The following FGF14 variants were observed in gnomAD, a reference collection of about 807,000 sequenced individuals.
FGF14 encodes fibroblast growth factor homologous factor 4.
Under a neutral mutation model 25.5 loss-of-function variants are expected in FGF14, and 5 were observed. The observed-to-expected ratio is 0.20, with a 90% CI of 0.10 to 0.41. FGF14 has a LOEUF of 0.41. FGF14 is among the 10% of genes least tolerant of loss of function. The probability of loss-of-function intolerance (pLI) is 1.00; values close to 1 mark genes in which losing one functional copy is unlikely to be tolerated. For synonymous variants in FGF14, 138 were observed against 118.3 expected (o/e 1.17, Z -1.08); for missense variants, 222 against 320.1 (o/e 0.69, Z 2.34).
At chr13:102,294,637 T>C (rs2054602931) in intron 1 of FGF14, among the ~76,000 whole-genome samples, 2 of 152,182 alleles carry the variant, frequency 1.3e-5, no homozygotes, top group Non-Finnish European at 2.9e-5. Flanking sequence ...GGGAACTAGA[T>C]TGTCAATTTC....
chr13:102,243,253 G>A (rs2141035935), intron 1 of FGF14, among the ~76,000 whole-genome samples: 1 of 152,172 alleles, frequency 6.6e-6, no homozygotes, highest in East Asian at 1.9e-4. Context: ...TTAAGTGACG[G>A]TCTCTTTGTC....
At chr13:102,145,519 G>C (rs1374342974) in intron 1 of FGF14, among the ~76,000 whole-genome samples, 1 of 152,096 alleles carries the variant, frequency 6.6e-6, no homozygotes, top group Non-Finnish European at 1.5e-5. Context: ...GAACATTTTA[G>C]CTGGGTTTTC....
At chr13:102,258,855 T>C (rs1375021898) in intron 1 of FGF14, among the ~76,000 whole-genome samples, 1 of 152,182 alleles carries the variant, frequency 6.6e-6, no homozygotes, top group Non-Finnish European at 1.5e-5. Context: ...GTAAAACTAA[T>C]GTGAAAAGTA....
chr13:102,353,510 C>G (rs1343240206), intron 1 of FGF14, among the ~76,000 whole-genome samples: 1 of 152,216 alleles, frequency 6.6e-6, no homozygotes, highest in Non-Finnish European at 1.5e-5. Context: ...AAAGCATTAT[C>G]TTCTCCACGG....
chr13:101,849,043 T>C (rs1308136973), intron 3 of FGF14, among the ~76,000 whole-genome samples: 2 of 152,064 alleles, frequency 1.3e-5, no homozygotes, highest in Middle Eastern at 3.2e-3. Flanking sequence ...CTCTCTTCCT[T>C]CCTTGCTCAG....
intron 1 of FGF14, among the ~76,000 whole-genome samples, chr13:102,396,333 T>A (rs1452039319): frequency 6.6e-6 from 1 of 152,240 alleles, no homozygotes; most frequent in Non-Finnish European, 1.5e-5. Context: ...GTTAGACTGT[T>A]CAAACAGCCC....
At position 101,981,082 on chromosome 13, in the gene FGF14, A is replaced by AACACACACACACACACAC. The variant is rs58666555; in HGVS notation, c.209-105804_209-105787dup. Among the ~76,000 whole-genome samples the AACACACACACACACACAC allele has an allele frequency of 4.1e-4, 51 of 123,782 alleles. 1 individual carries two copies. In the East Asian group the frequency reaches 6.7e-3, roughly 16 times the overall value. 81.2% of individuals were successfully genotyped at this position (123,782 alleles called of 152,430 possible). On this transcript the variant is annotated intron_variant, in intron 1 of 4. Transcript: ENST00000376131. ...CATGGTGAAACCTCGTCTCTACTAA[A>AACACACACACACACACAC]ACACACACACACACACACACACACA...
At chr13:102,284,303 T>G (rs1260219354) in intron 1 of FGF14, among the ~76,000 whole-genome samples, 2 of 152,156 alleles carry the variant, frequency 1.3e-5, no homozygotes, top group Non-Finnish European at 2.9e-5. Context: ...CTGCCCCTCA[T>G]GAAGGACTCT....
intron 1 of FGF14, among the ~76,000 whole-genome samples, chr13:102,251,544 T>C (rs555191954): frequency 6.6e-6 from 1 of 152,320 alleles, no homozygotes; most frequent in African/African-American, 2.4e-5. Flanking sequence ...CAGTAAAGTT[T>C]GTACACTGCA....
intron 1 of FGF14, among the ~76,000 whole-genome samples, chr13:102,309,187 T>C (rs1394701509): frequency 7.2e-6 from 1 of 139,780 alleles, no homozygotes; most frequent in Non-Finnish European, 1.5e-5. Flanking sequence ...AGTAATGCGT[T>C]GAGTGCCTCC....
chr13:101,911,468 T>C (rs1188253169), intron 1 of FGF14, among the ~76,000 whole-genome samples: 1 of 152,168 alleles, frequency 6.6e-6, no homozygotes, highest in Non-Finnish European at 1.5e-5. Flanking sequence ...ACCTAATCTG[T>C]TACACTATTT....
At chr13:101,784,546 AC>A (rs1189386608) in intron 3 of FGF14, among the ~76,000 whole-genome samples, 1 of 152,006 alleles carries the variant, frequency 6.6e-6, no homozygotes, top group Non-Finnish European at 1.5e-5. Flanking sequence ...TTCTAATATT[AC>A]CCTTTCTTCC....
At chr13:102,158,221 G>A (rs4462456) in intron 1 of FGF14, among the ~76,000 whole-genome samples, 9,983 of 152,132 alleles carry the variant, frequency 0.066, 952 homozygotes, top group East Asian at 0.5. Flanking sequence ...ACATGCACAC[G>A]TATGTTTATT....
At chr13:102,303,557 C>T (rs1224051912) in intron 1 of FGF14, among the ~76,000 whole-genome samples, 1 of 152,152 alleles carries the variant, frequency 6.6e-6, no homozygotes, top group African/African-American at 2.4e-5. Flanking sequence ...TGTTTGCCAT[C>T]TATCAGGTTC....
chr13:101,890,817 C>T (rs1046954556), intron 1 of FGF14, among the ~76,000 whole-genome samples: 2 of 152,176 alleles, frequency 1.3e-5, no homozygotes, highest in South Asian at 2.1e-4. Context: ...CCGGATAAGA[C>T]GGGATTGGGG....
intron 3 of FGF14, among the ~76,000 whole-genome samples, chr13:101,783,764 C>T (rs1246784453): frequency 1.3e-5 from 2 of 152,114 alleles, no homozygotes; most frequent in African/African-American, 2.4e-5. Flanking sequence ...TGACATTGCC[C>T]TAAATGGTGT....
chr13:102,209,517 A>G (rs2050076044), intron 1 of FGF14, among the ~76,000 whole-genome samples: 1 of 152,190 alleles, frequency 6.6e-6, no homozygotes, highest in Non-Finnish European at 1.5e-5. Context: ...CCAGCTAGAC[A>G]GGGCTGTACA....
intron 1 of FGF14, among the ~76,000 whole-genome samples, chr13:102,160,318 T>C (rs1290786595): frequency 6.6e-6 from 1 of 152,100 alleles, no homozygotes; most frequent in Non-Finnish European, 1.5e-5. Context: ...ACCCCCTAGA[T>C]ACTGTCATAG....
At chr13:102,129,660 G>T (rs189294122) in intron 1 of FGF14, among the ~76,000 whole-genome samples, 1 of 152,146 alleles carries the variant, frequency 6.6e-6, no homozygotes, top group East Asian at 1.9e-4. Flanking sequence ...ACACAGGAAG[G>T]GGAACATCAC....
Sources: gnomAD v4.1 joint callset for allele counts (sites outside exome capture counted in the v4.1 genomes callset) on GRCh38, gnomAD v4.1.1 for gene constraint, MANE v1.5 for transcripts, NCBI Gene and HGNC (gene_info 2026-07-23, HGNC 2026-07-21) for gene names.